Variants in NHSL1 observed in about 807,000 individuals in gnomAD.
NHSL1 encodes NHS-like protein 1.
NHSL1 carries 48 observed loss-of-function variants against 95.0 expected under a neutral mutation model. The observed-to-expected ratio is 0.51, with a 90% CI of 0.40 to 0.64. The LOEUF (loss-of-function observed/expected upper bound fraction) is 0.64. Ranked by LOEUF, NHSL1 falls within the 30% of genes least tolerant of loss-of-function variation. The pLI, the probability that NHSL1 is intolerant of heterozygous loss-of-function variation, is 0.00. For missense variants in NHSL1, 1,971 were observed against 2,077.7 expected (o/e 0.95, Z 1.00); for synonymous variants, 783 against 833.9 (o/e 0.94, Z 1.05).
chr6:138,424,105 G>A lies in NHSL1; in HGVS notation c.4797C>T (p.Gly1599=), dbSNP rs1026834482. Residue 1599 remains glycine (G), a synonymous_variant, in exon 8 of 8, where the codon GGC becomes GGT. Transcript: ENST00000343505. This position sits in a 1 kb window ranked among gnomAD's most constrained non-coding sequence, Gnocchi z 5.9. ...CCTAACTCTCCTCGCTCAGAGAACC[G>A]CCACACTGTGGGGAGGGCTCTCTGC... ...AEGREPSPQC[G]GSLSEES 2 of 1,403,052 alleles carry A rather than the reference G, an allele frequency of 1.4e-6. No homozygotes were observed. Among genetic ancestry groups the A allele is most frequent in the East Asian group, 2.6e-5 (1 of 39,148 alleles). 86.9% of individuals were successfully genotyped at this position (1,403,052 alleles called of 1,614,324 possible).
chr6:138,684,466 C>T (rs1356987039), intron 1 of NHSL1, among the ~76,000 whole-genome samples: 27 of 151,814 alleles, frequency 1.8e-4, no homozygotes, highest in Admixed American at 1.4e-3. Flanking sequence ...GCCAACATGG[C>T]AAAACCCCAT....
At chr6:138,551,998 C>T (rs985759035) in intron 1 of NHSL1, among the ~76,000 whole-genome samples, 3 of 152,218 alleles carry the variant, frequency 2.0e-5, no homozygotes, top group African/African-American at 7.2e-5. Context: ...AACCATGGAG[C>T]AGTAAGGCAA....
At chr6:138,670,665 C>CAAA (rs370888768) in intron 1 of NHSL1, among the ~76,000 whole-genome samples, 717 of 69,254 alleles carry the variant, frequency 0.01, 11 homozygotes, top group African/African-American at 0.036. Context: ...GACTCCGTCT[C>CAAA]AAAAAAAAAA....
At chr6:138,495,702 T>A (rs1780307202) in intron 2 of NHSL1, among the ~76,000 whole-genome samples, 1 of 152,224 alleles carries the variant, frequency 6.6e-6, no homozygotes, top group Admixed American at 6.5e-5. Context: ...ATCTTAGGCA[T>A]GTGTATTATC....
At chr6:138,637,448 G>A (rs967941354) in intron 1 of NHSL1, among the ~76,000 whole-genome samples, 5 of 152,170 alleles carry the variant, frequency 3.3e-5, no homozygotes, top group African/African-American at 9.7e-5. Context: ...AATCAACAAA[G>A]TGAAGTGACA....
chr6:138,681,596 C>A (rs1240127192), intron 1 of NHSL1, among the ~76,000 whole-genome samples: 6 of 152,188 alleles, frequency 3.9e-5, no homozygotes. Context: ...GGATGGTGGT[C>A]CCAGCAGCAA....
At chr6:138,689,321 T>A (rs1174721706) in intron 1 of NHSL1, among the ~76,000 whole-genome samples, 2 of 152,216 alleles carry the variant, frequency 1.3e-5, no homozygotes, top group Admixed American at 1.3e-4. Context: ...GAACAGCCCC[T>A]CAACCTGGGG....
chr6:138,456,496 C>T (rs1366016200), intron 3 of NHSL1, among the ~76,000 whole-genome samples: 2 of 152,170 alleles, frequency 1.3e-5, no homozygotes, highest in African/African-American at 2.4e-5. Context: ...ATTTCTGTCA[C>T]GACTATTAAA....
chr6:138,527,013 C>T (rs1270926170), intron 1 of NHSL1, among the ~76,000 whole-genome samples: 1 of 152,180 alleles, frequency 6.6e-6, no homozygotes, highest in African/African-American at 2.4e-5. Context: ...TTCAGAACGG[C>T]ACTCTACCCT....
rs145746489 is a variant in NHSL1, at chr6:138,691,760, G to C, written c.96+716C>G. The C allele has an allele frequency of 3.2e-3, 1,192 of 371,788 alleles. 2 individuals carry two copies. The highest frequency in any genetic ancestry group is 4.9e-3 in the Non-Finnish European group (924 of 188,110). The allele number at this position is 371,788 out of a possible 1,614,324, so 23.0% of individuals were successfully genotyped here. A position where few individuals can be genotyped will look rare whatever the true frequency, so the allele number is the denominator to read the frequency against. On this transcript the variant is annotated intron_variant, in intron 1 of 3. Transcript: ENST00000491526. Reference sequence around the variant, plus strand: ...AGCTGCTGAAATGAAATGGATCACCGGAGAGATCACTATATCAGGACATAG... The same window carrying C: ...AGCTGCTGAAATGAAATGGATCACCCGAGAGATCACTATATCAGGACATAG...
At chr6:138,500,828 A>G (rs1780636097), upstream of NHSL1, among the ~76,000 whole-genome samples, 1 of 152,226 alleles carries the variant, frequency 6.6e-6, no homozygotes, top group Non-Finnish European at 1.5e-5. Flanking sequence ...AAGAACACAT[A>G]GAAACGTTAC....
At chr6:138,687,289 A>AG (rs1459789798) in intron 1 of NHSL1, among the ~76,000 whole-genome samples, 2 of 152,002 alleles carry the variant, frequency 1.3e-5, no homozygotes, top group African/African-American at 4.8e-5. Flanking sequence ...TAAAAAAAAA[A>AG]AAAGAAGAAG....
At chr6:138,667,916 C>T (rs1785315372) in intron 1 of NHSL1, among the ~76,000 whole-genome samples, 1 of 152,196 alleles carries the variant, frequency 6.6e-6, no homozygotes, top group Admixed American at 6.6e-5. Context: ...AAGTTCACTA[C>T]TTTCTTCATA....
At chr6:138,669,472 G>C (rs181099806) in intron 1 of NHSL1, among the ~76,000 whole-genome samples, 1 of 152,288 alleles carries the variant, frequency 6.6e-6, no homozygotes. Context: ...TCTGGAAGTA[G>C]AGGTGAATTG....
intron 1 of NHSL1, among the ~76,000 whole-genome samples, chr6:138,509,757 T>G (rs1234806180): frequency 6.6e-6 from 1 of 152,164 alleles, no homozygotes; most frequent in Non-Finnish European, 1.5e-5. Flanking sequence ...TCGGACAACA[T>G]TGACATCACA....
intron 1 of NHSL1, among the ~76,000 whole-genome samples, chr6:138,537,879 T>C (rs537103466): frequency 1.3e-5 from 2 of 152,128 alleles, no homozygotes; most frequent in Admixed American, 6.5e-5. Flanking sequence ...CCAGAAGTCT[T>C]GGGGCTGCAG....
At chr6:138,565,248 A>G (rs1375288751) in intron 1 of NHSL1, among the ~76,000 whole-genome samples, 2 of 152,074 alleles carry the variant, frequency 1.3e-5, no homozygotes, top group Admixed American at 1.3e-4. Context: ...CTGGGATTAC[A>G]GGTATGCCGC....
At chr6:138,545,795 C>T, upstream of NHSL1, 1 of 1,197,862 alleles carries the variant, frequency 8.3e-7, no homozygotes, top group Non-Finnish European at 1.1e-6. Context: ...GCCCAATCCC[C>T]AGCCTGCTGG....
intron 1 of NHSL1, among the ~76,000 whole-genome samples, chr6:138,553,161 T>G (rs1024081660): frequency 3.3e-5 from 5 of 152,196 alleles, no homozygotes; most frequent in African/African-American, 1.2e-4. Context: ...CTGTCTGGAC[T>G]TGTACTCAGT....
Sources: allele counts gnomAD v4.1 joint callset (sites outside exome capture counted in the v4.1 genomes callset), GRCh38; gene constraint gnomAD v4.1.1; non-coding constraint Gnocchi (gnomAD v3.1); transcripts MANE v1.5; gene names NCBI Gene and HGNC (gene_info 2026-07-23, HGNC 2026-07-21).